The following PTPRK variants were observed in gnomAD, a reference collection of about 807,000 sequenced individuals.
PTPRK encodes protein tyrosine phosphatase receptor type K, also known as receptor-type tyrosine-protein phosphatase kappa.
PTPRK carries 75 observed loss-of-function variants against 178.0 expected under a neutral mutation model. The ratio of observed to expected loss-of-function variants is 0.42; its 90% confidence interval spans 0.35 to 0.51. PTPRK has a LOEUF of 0.51. Among genes scored for constraint, PTPRK ranks in the 20% least tolerant of loss-of-function variants. PTPRK has a pLI of 0.02. For missense variants in PTPRK, 1,441 were observed against 1,797.8 expected (o/e 0.80, Z 3.59); for synonymous variants, 637 against 620.6 (o/e 1.03, Z -0.39).
At chr6:128,320,099 A>G (rs1828584471) in intron 3 of PTPRK, among the ~76,000 whole-genome samples, 1 of 152,160 alleles carries the variant, frequency 6.6e-6, no homozygotes, top group South Asian at 2.1e-4. Context: ...AACATCTCCA[A>G]AATGATGTCA....
intron 25 of PTPRK, among the ~76,000 whole-genome samples, chr6:127,979,645 A>G (rs1470363140): frequency 6.6e-6 from 1 of 152,226 alleles, no homozygotes; most frequent in African/African-American, 2.4e-5. Flanking sequence ...CTGCCTTTAG[A>G]CTATTCCGCT....
chr6:128,314,482 A>G (rs757939412), intron 3 of PTPRK, among the ~76,000 whole-genome samples: 15 of 152,218 alleles, frequency 9.9e-5, no homozygotes, highest in South Asian at 4.1e-4. Context: ...ATTGGGTCCT[A>G]TGCCTTCTTC....
intron 9 of PTPRK, 73 bp downstream of exon 9, chr6:128,083,642 T>C: frequency 1.2e-6 from 1 of 815,710 alleles, no homozygotes; most frequent in South Asian, 2.7e-5. Flanking sequence ...CATATTTCCC[T>C]CTAACTTTTC....
intron 1 of PTPRK, among the ~76,000 whole-genome samples, chr6:128,449,711 G>C (rs1450814774): frequency 6.6e-6 from 1 of 152,138 alleles, no homozygotes; most frequent in Non-Finnish European, 1.5e-5. Flanking sequence ...CTCAGTAACT[G>C]AAAAGTCTAA....
chr6:128,197,414 A>C (rs1283136484), intron 6 of PTPRK, among the ~76,000 whole-genome samples: 1 of 152,028 alleles, frequency 6.6e-6, no homozygotes, highest in Non-Finnish European at 1.5e-5. Flanking sequence ...TTGGAAATTA[A>C]TCAGAGAAGT....
At chr6:128,097,486 T>C (rs1449742108) in intron 7 of PTPRK, among the ~76,000 whole-genome samples, 3 of 152,106 alleles carry the variant, frequency 2.0e-5, no homozygotes, top group African/African-American at 4.8e-5. Flanking sequence ...CCAAGTGACA[T>C]GGAAAAAAAG....
intron 1 of PTPRK, among the ~76,000 whole-genome samples, chr6:128,423,305 CAT>C (rs1277315488): frequency 6.6e-5 from 10 of 152,146 alleles, no homozygotes; most frequent in Admixed American, 5.9e-4. Flanking sequence ...ATACAAACAA[CAT>C]ATATGTCAGA....
chr6:128,469,202 A>G (rs909976995), intron 1 of PTPRK, among the ~76,000 whole-genome samples: 2 of 152,200 alleles, frequency 1.3e-5, no homozygotes, highest in Non-Finnish European at 2.9e-5. Context: ...GCTAGAAAGC[A>G]TATATTAAGC....
chr6:128,238,185 CAAAAAA>C, intron 5 of PTPRK: 50 of 203,614 alleles, frequency 2.5e-4, no homozygotes, highest in Middle Eastern at 1.6e-3. Flanking sequence ...TAGCAAACGC[CAAAAAA>C]AAAAAAAAAA....
At chr6:128,172,707 ATATG>A (rs1046201236) in intron 7 of PTPRK, among the ~76,000 whole-genome samples, 3 of 151,798 alleles carry the variant, frequency 2.0e-5, no homozygotes, top group East Asian at 1.9e-4. Flanking sequence ...TACTAGATAT[ATATG>A]TATGTATATG....
At chr6:127,983,067 C>T (rs1775534558) in intron 23 of PTPRK, 87 bp from the exon 24 acceptor site, 1 of 1,411,146 alleles carries the variant, frequency 7.1e-7, no homozygotes, top group Admixed American at 2.2e-5. Context: ...AAAATTTTCT[C>T]TATATGGAAA....
At chr6:128,169,094 T>C (rs1245602719) in intron 7 of PTPRK, among the ~76,000 whole-genome samples, 1 of 152,018 alleles carries the variant, frequency 6.6e-6, no homozygotes. Context: ...AGGCTATACA[T>C]TTGCAGTCAG....
intron 6 of PTPRK, among the ~76,000 whole-genome samples, chr6:128,210,233 A>G (rs1807857138): frequency 6.6e-6 from 1 of 152,126 alleles, no homozygotes; most frequent in South Asian, 2.1e-4. Context: ...CAAATTTCAG[A>G]CATACAGATT....
chr6:128,464,108 G>A (rs1280478571), intron 1 of PTPRK, among the ~76,000 whole-genome samples: 1 of 151,850 alleles, frequency 6.6e-6, no homozygotes, highest in African/African-American at 2.4e-5. Context: ...CAAACTTTTA[G>A]ATAAACTAAA....
At chr6:128,387,476 A>G (rs1838908972) in intron 2 of PTPRK, among the ~76,000 whole-genome samples, 2 of 152,160 alleles carry the variant, frequency 1.3e-5, no homozygotes, top group Non-Finnish European at 2.9e-5. Context: ...TTAGTATAAA[A>G]TTTAGGAATC....
At chr6:128,152,282 C>T (rs1436659415) in intron 7 of PTPRK, among the ~76,000 whole-genome samples, 1 of 151,938 alleles carries the variant, frequency 6.6e-6, no homozygotes, top group African/African-American at 2.4e-5. Context: ...ACCAGCTGCT[C>T]TCAGAAATAA....
intron 2 of PTPRK, among the ~76,000 whole-genome samples, chr6:128,346,127 G>T (rs950357463): frequency 7.9e-5 from 12 of 152,028 alleles, no homozygotes; most frequent in African/African-American, 2.9e-4. Context: ...AGGATACAAG[G>T]ATATTATATT....
Position 128,519,726 on chromosome 6 carries a change from G to A in PTPRK, c.100+533C>T, listed in dbSNP as rs1200001959. On this transcript the variant is annotated intron_variant, in intron 1 of 29. Coordinates refer to ENST00000368226, the MANE Select transcript of PTPRK (RefSeq NM_002844.4). This position sits in a 1 kb window ranked among gnomAD's most constrained non-coding sequence, Gnocchi z 4.3. ...CCGGGAGCAACCCAGAGCTGGGGGA[G>A]GAGAAAAGGGGACTCCGGGAGGGAC... Among the ~76,000 whole-genome samples the A allele has an allele frequency of 6.6e-6, 1 of 152,214 alleles. No homozygotes were observed. Among genetic ancestry groups the A allele is most frequent in the African/African-American group, 2.4e-5 (1 of 41,476 alleles).
At chr6:128,354,892 C>T (rs1161942786) in intron 2 of PTPRK, among the ~76,000 whole-genome samples, 1 of 152,172 alleles carries the variant, frequency 6.6e-6, no homozygotes, top group East Asian at 1.9e-4. Context: ...ATGGTCAGCC[C>T]TTATCTGTTC....
Sources: allele counts gnomAD v4.1 joint callset (sites outside exome capture counted in the v4.1 genomes callset), GRCh38; gene constraint gnomAD v4.1.1; non-coding constraint Gnocchi (gnomAD v3.1); transcripts MANE v1.5; gene names NCBI Gene and HGNC (gene_info 2026-07-23, HGNC 2026-07-21).